The following GLS variants were observed in gnomAD, a reference collection of about 807,000 sequenced individuals.
GLS encodes glutaminase.
GLS carries 36 observed loss-of-function variants against 86.7 expected under a neutral mutation model. The ratio of observed to expected loss-of-function variants is 0.42; its 90% CI spans 0.32 to 0.55. The LOEUF (loss-of-function observed/expected upper bound fraction) is 0.55, where lower values mean the gene tolerates loss of function less well. GLS is among the 20% of genes least tolerant of loss of function. GLS has a pLI of 0.17. For missense variants in GLS, 528 were observed against 833.4 expected (o/e 0.63, Z 4.51); for synonymous variants, 317 against 305.9 (o/e 1.04, Z -0.38).
At chr2:190,934,951 A>G (rs540673004) in intron 14 of GLS, 5 of 968,842 alleles carry the variant, frequency 5.2e-6, no homozygotes, top group East Asian at 1.1e-4. Context: ...TGATTCTTTC[A>G]GTATTCTTAA....
chr2:190,954,901 C>A lies in GLS; in HGVS notation c.1853+83C>A. 2 of 930,166 alleles carry A rather than the reference C, an allele frequency of 2.2e-6. No individual in the cohort carries two copies. Among genetic ancestry groups the A allele is most frequent in the Non-Finnish European group, 3.3e-6 (2 of 605,696 alleles). The allele number at this position is 930,166 out of a possible 1,614,324, so 57.6% of individuals were successfully genotyped here. The stretch of plus-strand genomic sequence containing the variant: ...ATTCAAGTGATGATAATATTTCAAC[C>A]TACTAAGACATTCTTGAACCTGCTA... On this transcript the variant is annotated intron_variant, in intron 17 of 17. Transcript: ENST00000320717. The surrounding 1 kb of genome is among the most constrained non-coding windows in gnomAD (Gnocchi z 4.0).
chr2:190,949,758 T>A lies in GLS; in HGVS notation c.1651-3807T>A, dbSNP rs1393723650. Among the ~76,000 whole-genome samples, 1 of 152,096 alleles carries A rather than the reference T, an allele frequency of 6.6e-6. No individual in the cohort carries two copies. Among genetic ancestry groups the A allele is most frequent in the African/African-American group, 2.4e-5 (1 of 41,412 alleles). On this transcript the variant is annotated intron_variant, in intron 14 of 17. Coordinates refer to ENST00000320717, the MANE Select transcript of GLS (RefSeq NM_014905.5). This position sits in a 1 kb window ranked among gnomAD's most constrained non-coding sequence, Gnocchi z 4.0. Reference sequence around the variant, plus strand: ...AATTTTGCAATTTAATACCCAAAATTGAATATTTGATGCCTTGAGGGAGAA... The same window carrying A: ...AATTTTGCAATTTAATACCCAAAATAGAATATTTGATGCCTTGAGGGAGAA...
In GLS at chr2:190,930,312, C is replaced by A; in HGVS notation, c.1426-125C>A. ...GGCTCAAGTGATCTGCTTGCCTTGGCCTCCCAAAGTGCTGAGATTACAGGA... is the reference window on the plus strand; with the variant it reads ...GGCTCAAGTGATCTGCTTGCCTTGGACTCCCAAAGTGCTGAGATTACAGGA... On this transcript the variant is annotated intron_variant, in intron 12 of 17. Coordinates refer to ENST00000320717, the MANE Select transcript of GLS (RefSeq NM_014905.5). This position sits in a 1 kb window ranked among gnomAD's most constrained non-coding sequence, Gnocchi z 5.0. 1 of 682,832 alleles carries A rather than the reference C, an allele frequency of 1.5e-6. No homozygotes were observed. The highest frequency in any genetic ancestry group is 2.5e-6 in the Non-Finnish European group (1 of 395,604). The allele number at this position is 682,832 out of a possible 1,614,324, so 42.3% of individuals were successfully genotyped here.
chr2:190,924,392 T>C lies in GLS; in HGVS notation c.1198-151T>C. On this transcript the variant is annotated intron_variant, in intron 10 of 17. Transcript: ENST00000320717. This position sits in a 1 kb window ranked among gnomAD's most constrained non-coding sequence, Gnocchi z 5.2. ...ACATGATGTGATAAAATTTTGCTTT[T>C]TTATTTCATGTTTATACTCTTTTAG... 1.6e-6 allele frequency: 1 copy of C among 643,954 alleles called. No homozygotes were observed. The highest frequency in any genetic ancestry group is 2.8e-6 in the Non-Finnish European group (1 of 363,158). 39.9% of individuals were successfully genotyped at this position (643,954 alleles called of 1,614,324 possible).
At chr2:190,885,317 G>C (rs977760938) in intron 1 of GLS, among the ~76,000 whole-genome samples, 1 of 151,638 alleles carries the variant, frequency 6.6e-6, no homozygotes, top group African/African-American at 2.4e-5. Context: ...TCAGCCTCCC[G>C]AGTAGCTGGG....
Position 190,935,793 on chromosome 2 carries a change from A to C in GLS, c.1650+4156A>C, listed in dbSNP as rs1364531839. Among the ~76,000 whole-genome samples the C allele has an allele frequency of 5.9e-5, 9 of 151,278 alleles. No individual in the cohort carries two copies. On this transcript the variant is annotated intron_variant, in intron 14 of 17. Transcript: ENST00000320717. This position sits in a 1 kb window ranked among gnomAD's most constrained non-coding sequence, Gnocchi z 4.2. ...AATCTCAGTAGAATTTATATTAAAC[A>C]GAATGACAGTGATACAGAAATTCAC...
chr2:190,934,912 A>G, intron 14 of GLS: 1 of 977,676 alleles, frequency 1.0e-6, no homozygotes. Context: ...TAAAAAAGAA[A>G]AAACTTTGCC....
chr2:190,931,817 T>G (rs1690113370), intron 14 of GLS, among the ~76,000 whole-genome samples, 180 bp downstream of exon 14: 1 of 152,014 alleles, frequency 6.6e-6, no homozygotes, highest in African/African-American at 2.4e-5. Context: ...TACTTAAAGA[T>G]TGTTTAATAG....
intron 3 of GLS, among the ~76,000 whole-genome samples, chr2:190,899,377 A>T (rs1688862885): frequency 6.6e-6 from 1 of 152,112 alleles, no homozygotes; most frequent in South Asian, 2.1e-4. Flanking sequence ...CATTTCTATT[A>T]GGATTTTATT....
At chr2:190,959,129 A>G (rs537139218) in intron 17 of GLS, among the ~76,000 whole-genome samples, 1 of 152,050 alleles carries the variant, frequency 6.6e-6, no homozygotes, top group Non-Finnish European at 1.5e-5. Context: ...TATATTTAGG[A>G]TAGTTAGCTC....
chr2:190,934,120 A>T, intron 14 of GLS: 1 of 982,696 alleles, frequency 1.0e-6, no homozygotes. Flanking sequence ...TATAATTTCA[A>T]GTTTGTTGAA....
chr2:190,948,255 G>A lies in GLS; in HGVS notation c.1651-5310G>A, dbSNP rs377562130. ...GGAAGAATACCAAACTTCCATGTTA[G>A]TCTTTAATAATTTTGTTAAGGCGAG... is the stretch of plus-strand genomic sequence containing the variant. On this transcript the variant is annotated intron_variant, in intron 14 of 17. Coordinates refer to ENST00000320717, the MANE Select transcript of GLS (RefSeq NM_014905.5). Among the ~76,000 whole-genome samples, 6 of 152,246 alleles carry A rather than the reference G, an allele frequency of 3.9e-5. No individual in the cohort carries two copies. The East Asian group carries it at 9.6e-4, about 24-fold the overall frequency.
intron 6 of GLS, among the ~76,000 whole-genome samples, chr2:190,907,485 A>G (rs1287280495): frequency 2.1e-5 from 3 of 143,886 alleles, no homozygotes; most frequent in Admixed American, 1.4e-4. Context: ...CGAACTCCCA[A>G]CCTCAGGTGA....
At position 190,963,176 on chromosome 2, in the gene GLS, T is replaced by C. The variant is rs767284112; in HGVS notation, c.*190T>C. ...GGGAAAAAATAGAAATAAAACAATC[T>C]CCCTCCATAATGTGAGCAATATTAC... On this transcript the variant is annotated 3_prime_UTR_variant, in exon 18 of 18. Coordinates refer to ENST00000320717, the MANE Select transcript of GLS (RefSeq NM_014905.5). 2.8e-5 allele frequency: 13 copies of C among 467,636 alleles called. No homozygotes were observed. Among genetic ancestry groups the C allele is most frequent in the African/African-American group, 2.0e-5 (1 of 50,006 alleles). 29.0% of individuals were successfully genotyped at this position (467,636 alleles called of 1,614,324 possible).
intron 12 of GLS, among the ~76,000 whole-genome samples, chr2:190,929,865 C>T (rs1211606392): frequency 4.2e-5 from 6 of 143,368 alleles, no homozygotes; most frequent in South Asian, 2.2e-4. Flanking sequence ...TTTTTTTTTT[C>T]GAGAGGGAGT....
In GLS at chr2:190,880,896, A is replaced by AGCAGCC; in HGVS notation, c.-184_-183insCGCAGC. The AGCAGCC allele has an allele frequency of 1.9e-6, 1 of 529,626 alleles. No homozygotes were observed. The highest frequency in any genetic ancestry group is 3.0e-6 in the Non-Finnish European group (1 of 336,730). The allele number at this position is 529,626 out of a possible 1,614,324, so 32.8% of individuals were successfully genotyped here. ...GCGCAGCAGCAGCAGCAGCAGCAGCAGCAGCAGCAGCAGCAGCAGCAGCAC... is the reference window on the plus strand; with the variant it reads ...GCGCAGCAGCAGCAGCAGCAGCAGCAGCAGCCGCAGCAGCAGCAGCAGCAGCAGCAC... On this transcript the variant is annotated 5_prime_UTR_variant, in exon 1 of 18. Coordinates refer to ENST00000320717, the MANE Select transcript of GLS (RefSeq NM_014905.5).
chr2:190,880,859 G>C lies in GLS; in HGVS notation c.-226G>C, dbSNP rs371881291. 7 of 812,594 alleles carry C rather than the reference G, an allele frequency of 8.6e-6. No homozygotes were observed. Among genetic ancestry groups the C allele is most frequent in the Admixed American group, 8.5e-5 (4 of 47,140 alleles). 50.3% of individuals were successfully genotyped at this position (812,594 alleles called of 1,614,324 possible). On this transcript the variant is annotated 5_prime_UTR_variant, in exon 1 of 18. Coordinates refer to ENST00000320717, the MANE Select transcript of GLS (RefSeq NM_014905.5). ...AGGCGGAGCGAAGAGAACCGGTCGCGGCAATCCTAGCGCGCAGCAGCAGCA... is the reference window on the plus strand; with the variant it reads ...AGGCGGAGCGAAGAGAACCGGTCGCCGCAATCCTAGCGCGCAGCAGCAGCA...
chr2:190,933,506 C>T (rs1407025179), intron 14 of GLS: 4 of 911,626 alleles, frequency 4.4e-6, no homozygotes, highest in Non-Finnish European at 5.2e-6. Context: ...TGCAACTCCT[C>T]TGTTCTGTCA....
rs574509761 is a variant in GLS, at chr2:190,935,491, T to C, written c.1650+3854T>C. The stretch of plus-strand genomic sequence containing the variant: ...TTATTTGATTTTTTAAAATGCAATA[T>C]AGCATTAGTGGTTTTTTTGGGAGGA... On this transcript the variant is annotated intron_variant, in intron 14 of 17. Coordinates refer to ENST00000320717, the MANE Select transcript of GLS (RefSeq NM_014905.5). The surrounding 1 kb of genome is among the most constrained non-coding windows in gnomAD (Gnocchi z 4.2). Among the ~76,000 whole-genome samples, 1 of 151,450 alleles carries C rather than the reference T, an allele frequency of 6.6e-6. No individual in the cohort carries two copies. The highest frequency in any genetic ancestry group is 2.1e-4 in the South Asian group (1 of 4,826).
Sources: gnomAD v4.1 joint callset for allele counts (sites outside exome capture counted in the v4.1 genomes callset) on GRCh38, gnomAD v4.1.1 for gene constraint, Gnocchi (gnomAD v3.1) non-coding constraint, MANE v1.5 for transcripts, NCBI Gene and HGNC (gene_info 2026-07-23, HGNC 2026-07-21) for gene names.